Variants in RGS12 observed in about 807,000 individuals in gnomAD.
The protein encoded by RGS12 is regulator of G-protein signaling 12.
RGS12 carries 66 observed loss-of-function variants against 120.1 expected under a neutral mutation model. The ratio of observed to expected loss-of-function variants is 0.55; its 90% CI spans 0.45 to 0.67. The LOEUF is 0.67. RGS12 is among the 30% of genes least tolerant of loss of function. RGS12 has a pLI of 0.00. For missense variants in RGS12, 1,859 were observed against 1,957.7 expected, an observed-to-expected ratio of 0.95 and a Z score of 0.95; for synonymous variants, 827 against 804.7, an observed-to-expected ratio of 1.03 and a Z score of -0.47.
chr4:3,415,178 TAGGGCCGCGTGTGAG>T (rs1157011867), intron 6 of RGS12, among the ~76,000 whole-genome samples: 5 of 114,990 alleles, frequency 4.3e-5, no homozygotes, highest in African/African-American at 1.4e-4. Context: ...GCGTGTGTGA[TAGGGCCGCGTGTGAG>T]AGGGCCGCGT....
intron 6 of RGS12, among the ~76,000 whole-genome samples, chr4:3,415,152 CGCGTGTGTGTG>C: frequency 9.2e-6 from 1 of 108,404 alleles, no homozygotes; most frequent in East Asian, 2.9e-4. Flanking sequence ...GTGAGAGGGC[CGCGTGTGTGTG>C]AGGGGCGTGT....
chr4:3,363,468 C>T (rs941368210), intron 3 of RGS12, among the ~76,000 whole-genome samples: 33 of 151,820 alleles, frequency 2.2e-4, no homozygotes, highest in Middle Eastern at 6.8e-3. Context: ...AGTTGACTCC[C>T]GGTAAGGAGC....
At chr4:3,417,790 C>A (rs949061626) in intron 9 of RGS12, 13 of 492,014 alleles carry the variant, frequency 2.6e-5, no homozygotes, top group Non-Finnish European at 4.0e-5. Context: ...ACATTTCAGC[C>A]CATGCCTACC....
At chr4:3,379,312 T>C (rs1296244419) in intron 3 of RGS12, among the ~76,000 whole-genome samples, 1 of 152,208 alleles carries the variant, frequency 6.6e-6, no homozygotes, top group Non-Finnish European at 1.5e-5. Context: ...TTAATAATGC[T>C]GCATTTATTG....
chr4:3,415,649 T>A (rs757217443), intron 6 of RGS12, among the ~76,000 whole-genome samples: 6 of 152,216 alleles, frequency 3.9e-5, no homozygotes, highest in African/African-American at 1.4e-4. Flanking sequence ...CTGCTCGCAA[T>A]GCTCAGAGGG....
In RGS12 at chr4:3,374,511, C is replaced by T. The variant is rs149758265; in HGVS notation, c.1999-11905C>T. Among the ~76,000 whole-genome samples the T allele has an allele frequency of 9.7e-3, 1,483 of 152,214 alleles. 15 individuals are homozygous for T. The highest frequency in any genetic ancestry group is 0.014 in the Non-Finnish European group (983 of 68,006). Reference sequence around the variant, plus strand: ...TCCACATCTTCTCACCGTCTCTCCTCGGACATCCAGGAGGCCCCTCAGACT... The same window carrying T: ...TCCACATCTTCTCACCGTCTCTCCTTGGACATCCAGGAGGCCCCTCAGACT... On this transcript the variant is annotated intron_variant, in intron 3 of 17. Transcript: ENST00000336727. The surrounding 1 kb of genome is among the most constrained non-coding windows in gnomAD (Gnocchi z 6.3).
intron 3 of RGS12, among the ~76,000 whole-genome samples, chr4:3,378,946 T>C (rs1251126455): frequency 6.6e-6 from 1 of 152,030 alleles, no homozygotes; most frequent in Non-Finnish European, 1.5e-5. Flanking sequence ...CCCATGTTCA[T>C]GGAAGTGTTA....
At chr4:3,415,559 C>T (rs909968459) in intron 6 of RGS12, among the ~76,000 whole-genome samples, 1 of 152,202 alleles carries the variant, frequency 6.6e-6, no homozygotes, top group Admixed American at 6.5e-5. Flanking sequence ...CTGGGAGAGA[C>T]GCCTTGGCCT....
rs1723146968 is a variant in RGS12 at position 3,293,251 on chromosome 4, C to T, written c.-102+152C>T. Among the ~76,000 whole-genome samples the T allele has an allele frequency of 4.8e-5, 7 of 146,212 alleles. No individual in the cohort carries two copies. In the South Asian group the frequency reaches 1.5e-3, roughly 30 times the overall value. ...CGTCCCCTCGGGGTCGCCGCCCGCCCGCCCTGCCTTTTGTTCGCCGGCCTG... is the reference window on the plus strand; with the variant it reads ...CGTCCCCTCGGGGTCGCCGCCCGCCTGCCCTGCCTTTTGTTCGCCGGCCTG... On this transcript the variant is annotated intron_variant, in intron 1 of 17. Transcript: ENST00000336727.
intron 1 of RGS12, among the ~76,000 whole-genome samples, chr4:3,294,833 A>G (rs2110343836): frequency 6.6e-6 from 1 of 152,360 alleles, no homozygotes; most frequent in South Asian, 2.1e-4. Flanking sequence ...GCGACAGGGC[A>G]GTGGTGACCG....
At chr4:3,398,289 C>G (rs1380524131) in intron 4 of RGS12, among the ~76,000 whole-genome samples, 2 of 152,158 alleles carry the variant, frequency 1.3e-5, no homozygotes, top group African/African-American at 4.8e-5. Context: ...GAGAAAAACT[C>G]TCCACTTTGA....
chr4:3,421,728 C>G (rs1450744169), intron 10 of RGS12, among the ~76,000 whole-genome samples: 1 of 152,208 alleles, frequency 6.6e-6, no homozygotes, highest in Non-Finnish European at 1.5e-5. Flanking sequence ...CCTCTGGAGG[C>G]CCAGGCTTGG....
At position 3,374,098 on chromosome 4, in the gene RGS12, T is replaced by C. The variant is rs530251725; in HGVS notation, c.1999-12318T>C. Among the ~76,000 whole-genome samples, 18 of 152,308 alleles carry C rather than the reference T, an allele frequency of 1.2e-4. No homozygotes were observed. The East Asian group carries it at 1.5e-3, about 13-fold the overall frequency. On this transcript the variant is annotated intron_variant, in intron 3 of 17. Coordinates refer to ENST00000336727, the MANE Select transcript of RGS12 (RefSeq NM_001394154.1). The surrounding 1 kb of genome is among the most constrained non-coding windows in gnomAD (Gnocchi z 6.3). ...GAGCACTCAGCACCTTCTCCTACCA[T>C]GTCCCACGCGGCTCTGTGAACGCAG...
chr4:3,417,369 G>T lies in RGS12; in HGVS notation c.2608-19G>T. The T allele has an allele frequency of 6.4e-7, 1 of 1,556,340 alleles. No individual in the cohort carries two copies. Among genetic ancestry groups the T allele is most frequent in the Non-Finnish European group, 8.7e-7 (1 of 1,149,616 alleles). On this transcript the variant is annotated intron_variant, in intron 8 of 17. Transcript: ENST00000336727. ...AATAACTTCACATTGTTTTAACCAAGGTTTCCATTTGATGACAGTTAAGTG... is the reference window on the plus strand; with the variant it reads ...AATAACTTCACATTGTTTTAACCAATGTTTCCATTTGATGACAGTTAAGTG...
At chr4:3,308,279 C>T (rs1258711657) in intron 1 of RGS12, among the ~76,000 whole-genome samples, 4 of 152,248 alleles carry the variant, frequency 2.6e-5, no homozygotes, top group African/African-American at 4.8e-5. Context: ...ACACATGTGA[C>T]GATCTCAACA....
chr4:3,354,352 C>A (rs548054058), intron 3 of RGS12, among the ~76,000 whole-genome samples: 1 of 152,318 alleles, frequency 6.6e-6, no homozygotes, highest in South Asian at 2.1e-4. Context: ...CAGGTACACA[C>A]CTGCCTTTCA....
At chr4:3,423,398 G>A (rs1201991658) in intron 12 of RGS12, 117 bp from the exon 13 acceptor site, 2 of 1,364,100 alleles carry the variant, frequency 1.5e-6, no homozygotes, top group East Asian at 2.3e-5. Context: ...GGCTGAACTG[G>A]GGGGCACACC....
chr4:3,423,269 G>T (rs1041977899), intron 12 of RGS12, among the ~76,000 whole-genome samples: 7 of 152,346 alleles, frequency 4.6e-5, no homozygotes, highest in Admixed American at 1.3e-4. Context: ...CTGTAGGGTG[G>T]ATGCCCCACA....
intron 10 of RGS12, among the ~76,000 whole-genome samples, chr4:3,421,666 C>T (rs1480737840): frequency 6.6e-6 from 1 of 152,250 alleles, no homozygotes; most frequent in Admixed American, 6.5e-5. Flanking sequence ...GGCCAGTTCA[C>T]CCCGTCCCAC....
Sources: allele counts gnomAD v4.1 joint callset (sites outside exome capture counted in the v4.1 genomes callset), GRCh38; gene constraint gnomAD v4.1.1; non-coding constraint Gnocchi (gnomAD v3.1); transcripts MANE v1.5; gene names NCBI Gene and HGNC (gene_info 2026-07-23, HGNC 2026-07-21).